Variants in SUPT3H observed in about 807,000 individuals in gnomAD.
The protein encoded by SUPT3H is SPT3 homolog, SAGA and STAGA complex component.
Under a neutral mutation model 44.3 loss-of-function variants are expected in SUPT3H, and 44 were observed. The observed-to-expected ratio is 0.99, with a 90% CI of 0.78 to 1.28. SUPT3H has a LOEUF of 1.28. Ranked by LOEUF, SUPT3H falls within the 50% of genes most tolerant of loss-of-function variation. The pLI, the probability that SUPT3H is intolerant of heterozygous loss-of-function variation, is 0.00. For synonymous variants in SUPT3H, 124 were observed against 125.6 expected (o/e 0.99, Z 0.09); for missense variants, 380 against 387.1 (o/e 0.98, Z 0.15).
At chr6:45,235,834 T>C (rs887595881) in intron 2 of SUPT3H, among the ~76,000 whole-genome samples, 2 of 152,126 alleles carry the variant, frequency 1.3e-5, no homozygotes, top group African/African-American at 4.8e-5. Flanking sequence ...ATGACTCCCA[T>C]GCTGAAGGTT....
chr6:45,202,941 G>C (rs1253750771), intron 2 of SUPT3H, among the ~76,000 whole-genome samples: 1 of 151,828 alleles, frequency 6.6e-6, no homozygotes, highest in Non-Finnish European at 1.5e-5. Context: ...AATCACTAGA[G>C]ATCAATTACA....
chr6:45,137,574 A>C (rs1384443102), intron 2 of SUPT3H, among the ~76,000 whole-genome samples: 2 of 152,006 alleles, frequency 1.3e-5, no homozygotes, highest in African/African-American at 2.4e-5. Flanking sequence ...ATATTTTACC[A>C]CAATTAAGGT....
intron 2 of SUPT3H, among the ~76,000 whole-genome samples, chr6:45,189,781 T>C (rs1347399361): frequency 1.3e-5 from 2 of 152,196 alleles, no homozygotes; most frequent in African/African-American, 2.4e-5. Context: ...AATAGCACAA[T>C]TGATTTTATT....
chr6:45,219,406 G>A (rs1452985792), intron 2 of SUPT3H, among the ~76,000 whole-genome samples: 1 of 151,088 alleles, frequency 6.6e-6, no homozygotes, highest in African/African-American at 2.4e-5. Flanking sequence ...AACAAAAATA[G>A]AGAAAAGACA....
At chr6:44,910,521 A>C (rs1019829909) in intron 10 of SUPT3H, among the ~76,000 whole-genome samples, 2 of 152,168 alleles carry the variant, frequency 1.3e-5, no homozygotes, top group Admixed American at 1.3e-4. Flanking sequence ...TAAACCCCAA[A>C]ATGATAAGAC....
In SUPT3H at chr6:45,017,339, C is replaced by G. The variant is rs1583074443; in HGVS notation, c.274-2448G>C. On this transcript the variant is annotated intron_variant, in intron 4 of 10. Coordinates refer to ENST00000371459, the MANE Select transcript of SUPT3H (RefSeq NM_003599.4). Reference sequence around the variant, plus strand: ...TAGTTTCTTTTGCTGTGCAGAAGCTCTTTAGTTTAATTAGATCCCATTTCT... The same window carrying G: ...TAGTTTCTTTTGCTGTGCAGAAGCTGTTTAGTTTAATTAGATCCCATTTCT... Among the ~76,000 whole-genome samples the G allele has an allele frequency of 2.7e-5, 4 of 150,464 alleles. 1 individual carries two copies. Among genetic ancestry groups the G allele is most frequent in the African/African-American group, 9.7e-5 (4 of 41,100 alleles).
chr6:45,123,438 A>G (rs1457068981), intron 2 of SUPT3H, among the ~76,000 whole-genome samples: 2 of 149,172 alleles, frequency 1.3e-5, no homozygotes, highest in Admixed American at 1.3e-4. Flanking sequence ...CAGTGGTGTG[A>G]TCATGGCTCA....
At chr6:45,177,858 C>T (rs1280227249) in intron 2 of SUPT3H, among the ~76,000 whole-genome samples, 1 of 151,936 alleles carries the variant, frequency 6.6e-6, no homozygotes, top group Admixed American at 6.6e-5. Flanking sequence ...CCTTTACAGA[C>T]AAGCAAATGC....
At chr6:45,153,963 G>A (rs1224202392) in intron 2 of SUPT3H, among the ~76,000 whole-genome samples, 2 of 151,366 alleles carry the variant, frequency 1.3e-5, no homozygotes, top group East Asian at 1.9e-4. Flanking sequence ...CCAGCTACTC[G>A]GGAGGCTGAG....
rs772665946 is a variant in SUPT3H at position 45,365,153 on chromosome 6, G to A, written c.101+48C>T. ...TGTTATGTCTATTGTCTTTCAACATGAATAAATTTAAAATAGTAATAGCAA... is the reference window on the plus strand; with the variant it reads ...TGTTATGTCTATTGTCTTTCAACATAAATAAATTTAAAATAGTAATAGCAA... On this transcript the variant is annotated intron_variant, in intron 2 of 10. Coordinates refer to ENST00000371459, the MANE Select transcript of SUPT3H (RefSeq NM_003599.4). The A allele has an allele frequency of 5.3e-6, 6 of 1,138,018 alleles. No homozygotes were observed. The South Asian group carries it at 6.3e-5, about 12-fold the overall frequency. 70.5% of individuals were successfully genotyped at this position (1,138,018 alleles called of 1,614,324 possible). A position where few individuals can be genotyped will look rare whatever the true frequency, so the allele number is the denominator to read the frequency against.
chr6:44,829,910 A>T (rs1402425391), intron 10 of SUPT3H, 53 bp from the exon 11 acceptor site: 1 of 1,566,574 alleles, frequency 6.4e-7, no homozygotes, highest in Admixed American at 1.7e-5. Context: ...TCAAACAAGG[A>T]AAGGAGGCAA....
At chr6:45,113,282 T>C (rs1029551693) in intron 2 of SUPT3H, among the ~76,000 whole-genome samples, 1 of 152,150 alleles carries the variant, frequency 6.6e-6, no homozygotes, top group African/African-American at 2.4e-5. Flanking sequence ...GACATCATAC[T>C]GTTGTTTATG....
intron 2 of SUPT3H, among the ~76,000 whole-genome samples, chr6:45,133,939 T>C (rs550980559): frequency 6.6e-6 from 1 of 152,326 alleles, no homozygotes; most frequent in East Asian, 1.9e-4. Context: ...TGCAAAATTC[T>C]TTTGTTGAAT....
rs868793128 is a variant in SUPT3H at position 44,917,962 on chromosome 6, C to T, written c.912+14691G>A. ...GCTCTATCAGCACAATATTGGCTTCCTCATTAGCAAATTCACTCTAAGTAA... is the reference window on the plus strand; with the variant it reads ...GCTCTATCAGCACAATATTGGCTTCTTCATTAGCAAATTCACTCTAAGTAA... On this transcript the variant is annotated intron_variant, in intron 10 of 10. Coordinates refer to ENST00000371459, the MANE Select transcript of SUPT3H (RefSeq NM_003599.4). Among the ~76,000 whole-genome samples the T allele has an allele frequency of 8.5e-5, 13 of 152,240 alleles. 1 individual carries two copies. Among genetic ancestry groups the T allele is most frequent in the Middle Eastern group, 3.4e-3 (1 of 294 alleles).
intron 2 of SUPT3H, among the ~76,000 whole-genome samples, chr6:45,204,250 A>AAAGAAGAAGAAGAAG (rs59918814): frequency 0.035 from 4,941 of 143,102 alleles, 206 homozygotes; most frequent in East Asian, 0.096. Flanking sequence ...CCGTCTCAAA[A>AAAGAAGAAGAAGAAG]AAGAAGAAGA....
At chr6:45,208,874 AGGCTG>A (rs1359019397) in intron 2 of SUPT3H, among the ~76,000 whole-genome samples, 2 of 24,964 alleles carry the variant, frequency 8.0e-5, no homozygotes, top group Non-Finnish European at 1.4e-4. Context: ...GGGGCTCATG[AGGCTG>A]ATGACTTACC....
intron 2 of SUPT3H, among the ~76,000 whole-genome samples, chr6:45,139,527 A>G (rs533354980): frequency 6.7e-6 from 1 of 149,042 alleles, no homozygotes; most frequent in South Asian, 2.1e-4. Flanking sequence ...AACAAATGGC[A>G]CACTGCTGCA....
chr6:45,172,817 C>T (rs1250534481), intron 2 of SUPT3H, among the ~76,000 whole-genome samples: 1 of 152,090 alleles, frequency 6.6e-6, no homozygotes, highest in African/African-American at 2.4e-5. Context: ...GTCTCGAACT[C>T]CTGACCTCGT....
chr6:45,165,562 C>T (rs1158412947), intron 2 of SUPT3H, among the ~76,000 whole-genome samples: 1 of 151,974 alleles, frequency 6.6e-6, no homozygotes, highest in Non-Finnish European at 1.5e-5. Context: ...TGTATAAATG[C>T]TTTAAATTAA....
Sources: gnomAD v4.1 joint callset for allele counts (sites outside exome capture counted in the v4.1 genomes callset) on GRCh38, gnomAD v4.1.1 for gene constraint, MANE v1.5 for transcripts, NCBI Gene and HGNC (gene_info 2026-07-23, HGNC 2026-07-21) for gene names.